RAPGEF5: variants seen among roughly 807,000 people sequenced by gnomAD.
RAPGEF5 encodes the protein Rap guanine nucleotide exchange factor 5.
A neutral mutation model predicts 125.2 loss-of-function variants in RAPGEF5; 65 were observed. The observed-to-expected ratio is 0.52, with a 90% CI of 0.43 to 0.64. RAPGEF5 has a LOEUF of 0.64. Among genes scored for constraint, RAPGEF5 ranks in the 30% least tolerant of loss-of-function variants. The pLI is 0.00. For synonymous variants in RAPGEF5, 391 were observed against 385.9 expected (o/e 1.01, Z -0.16); for missense variants, 958 against 1,048.1 (o/e 0.91, Z 1.19).
At chr7:22,218,360 C>A (rs1200588767) in intron 9 of RAPGEF5, among the ~76,000 whole-genome samples, 1 of 152,108 alleles carries the variant, frequency 6.6e-6, no homozygotes, top group Non-Finnish European at 1.5e-5. Context: ...TACTGTTCTA[C>A]TGTTTGATTT....
intron 6 of RAPGEF5, among the ~76,000 whole-genome samples, chr7:22,286,164 T>A (rs1027973975): frequency 1.3e-5 from 2 of 152,134 alleles, no homozygotes; most frequent in South Asian, 2.1e-4. Context: ...GAGACATAAA[T>A]TCCCCCCCAC....
At chr7:22,239,377 T>G (rs1786267013) in intron 7 of RAPGEF5, among the ~76,000 whole-genome samples, 1 of 152,144 alleles carries the variant, frequency 6.6e-6, no homozygotes, top group Non-Finnish European at 1.5e-5. Context: ...TGAATAAAGG[T>G]GTGCTGTATG....
intron 12 of RAPGEF5, among the ~76,000 whole-genome samples, chr7:22,163,991 ATC>A (rs1295503253): frequency 6.6e-6 from 1 of 152,188 alleles, no homozygotes; most frequent in African/African-American, 2.4e-5. Flanking sequence ...CACAAAAAAA[ATC>A]TGTTTCTATT....
intron 7 of RAPGEF5, among the ~76,000 whole-genome samples, chr7:22,251,217 C>T (rs1291837811): frequency 2.6e-5 from 4 of 152,014 alleles, no homozygotes; most frequent in Non-Finnish European, 4.4e-5. Flanking sequence ...AAATGTTGTA[C>T]CTTACAGAGA....
At chr7:22,315,017 A>G (rs192352934) in intron 3 of RAPGEF5, among the ~76,000 whole-genome samples, 1 of 152,140 alleles carries the variant, frequency 6.6e-6, no homozygotes, top group Non-Finnish European at 1.5e-5. Flanking sequence ...CAGGGCCTCA[A>G]TAAGGCCCCT....
At chr7:22,184,217 G>A (rs756367287) in intron 11 of RAPGEF5, among the ~76,000 whole-genome samples, 17 of 152,012 alleles carry the variant, frequency 1.1e-4, no homozygotes, top group Non-Finnish European at 1.5e-4. Flanking sequence ...TGCATTTATC[G>A]TAGTAAATTC....
Position 22,357,013 on chromosome 7 carries a change from G to C in RAPGEF5, c.48C>G (p.Ser16Arg). 1.6e-5 allele frequency: 16 copies of C among 1,027,624 alleles called. No homozygotes were observed. Among genetic ancestry groups the C allele is most frequent in the Non-Finnish European group, 1.9e-5 (16 of 859,376 alleles). The allele number at this position is 1,027,624 out of a possible 1,614,324, so 63.7% of individuals were successfully genotyped here. Residue 16 changes from serine to arginine, a missense_variant, in exon 1 of 26, where the codon AGC (serine) becomes AGG (arginine). Physicochemically the swap from Ser to Arg is moderately radical, Grantham distance 110. Transcript: ENST00000665637. ...CCGCCGCCGCGGCGGCCAGGGCCGGGCTCTCGCACGGCGGCTGCATCTTGA... is the reference window on the plus strand; with the variant it reads ...CCGCCGCCGCGGCGGCCAGGGCCGGCCTCTCGCACGGCGGCTGCATCTTGA... ...GSVKMQPPCE[S>R]PALAAAAAVV...
At chr7:22,249,842 C>T (rs555271923) in intron 7 of RAPGEF5, among the ~76,000 whole-genome samples, 4 of 152,270 alleles carry the variant, frequency 2.6e-5, no homozygotes, top group Non-Finnish European at 4.4e-5. Flanking sequence ...TGAGGGCTAA[C>T]GGCTGGTTAA....
At chr7:22,288,745 A>T (rs1356883414) in intron 6 of RAPGEF5, among the ~76,000 whole-genome samples, 4 of 152,116 alleles carry the variant, frequency 2.6e-5, no homozygotes, top group Non-Finnish European at 5.9e-5. Flanking sequence ...GATGGTCTCA[A>T]TCTTAAAAAA....
chr7:22,276,861 G>A (rs1181429656), intron 6 of RAPGEF5, among the ~76,000 whole-genome samples: 1 of 152,182 alleles, frequency 6.6e-6, no homozygotes, highest in Non-Finnish European at 1.5e-5. Context: ...TGCTATTTGA[G>A]TGTTATCTAT....
At chr7:22,183,268 C>CAAAAAA (rs757079018) in intron 11 of RAPGEF5, among the ~76,000 whole-genome samples, 6 of 30,962 alleles carry the variant, frequency 1.9e-4, no homozygotes, top group Non-Finnish European at 3.9e-4. Context: ...GACTCCATCA[C>CAAAAAA]AAAAAAAAAA....
At chr7:22,125,739 G>A in intron 24 of RAPGEF5, 81 bp from the exon 25 acceptor site, 1 of 1,260,218 alleles carries the variant, frequency 7.9e-7, no homozygotes, top group Non-Finnish European at 1.2e-6. Flanking sequence ...TAGGATGGAA[G>A]GATAATCTAG....
chr7:22,202,138 A>G (rs2128128382), intron 9 of RAPGEF5, among the ~76,000 whole-genome samples: 1 of 152,320 alleles, frequency 6.6e-6, no homozygotes, highest in South Asian at 2.1e-4. Context: ...TCTGCAGAAC[A>G]AAAGGACAAA....
At chr7:22,138,318 C>T (rs1156721294) in intron 21 of RAPGEF5, among the ~76,000 whole-genome samples, 1 of 152,216 alleles carries the variant, frequency 6.6e-6, no homozygotes, top group East Asian at 1.9e-4. Flanking sequence ...CAGGCACGTA[C>T]TACAGCTGCT....
chr7:22,193,630 G>C, intron 10 of RAPGEF5, 175 bp from the exon 11 acceptor site: 2 of 1,550,756 alleles, frequency 1.3e-6, no homozygotes. Flanking sequence ...CTCCAAATGA[G>C]GGTCAAAGAC....
At chr7:22,298,087 T>C (rs1783106929) in intron 5 of RAPGEF5, among the ~76,000 whole-genome samples, 1 of 152,194 alleles carries the variant, frequency 6.6e-6, no homozygotes. Context: ...CTTGTATTCC[T>C]AGGGTAAACT....
At chr7:22,170,690 T>C (rs898323426) in intron 11 of RAPGEF5, among the ~76,000 whole-genome samples, 1 of 152,218 alleles carries the variant, frequency 6.6e-6, no homozygotes, top group South Asian at 2.1e-4. Context: ...GGCAAACCCA[T>C]TTGGCATTCA....
chr7:22,247,238 A>C (rs1157305206), intron 7 of RAPGEF5, among the ~76,000 whole-genome samples: 3 of 152,242 alleles, frequency 2.0e-5, no homozygotes, highest in Non-Finnish European at 4.4e-5. Flanking sequence ...GTATATTTCC[A>C]AAAGAAAATA....
chr7:22,291,525 C>T (rs1782935417), intron 5 of RAPGEF5, among the ~76,000 whole-genome samples: 1 of 152,080 alleles, frequency 6.6e-6, no homozygotes, highest in South Asian at 2.1e-4. Flanking sequence ...CCCTGACATG[C>T]CAGTTGTAAA....
Sources: allele counts gnomAD v4.1 joint callset (sites outside exome capture counted in the v4.1 genomes callset), GRCh38; gene constraint gnomAD v4.1.1; transcripts MANE v1.5; gene names NCBI Gene and HGNC (gene_info 2026-07-23, HGNC 2026-07-21).